KCNH6: variants seen among roughly 807,000 people sequenced by gnomAD.
KCNH6 encodes voltage-gated inwardly rectifying potassium channel KCNH6.
In KCNH6, 81 loss-of-function variants were observed where a neutral mutation model predicts 83.4. The observed-to-expected ratio is 0.97, with a 90% CI of 0.81 to 1.17. The LOEUF is 1.17. Among genes scored for constraint, KCNH6 ranks in the 50% most tolerant of loss-of-function variants. The pLI is 0.00. For missense variants in KCNH6, 1,203 were observed against 1,290.5 expected (o/e 0.93, Z 1.04); for synonymous variants, 503 against 545.6 (o/e 0.92, Z 1.09).
chr17:63,534,385 A>AGCACTG lies in KCNH6; in HGVS notation c.1101+76_1101+81dup. On this transcript the variant is annotated intron_variant, in intron 5 of 12. Coordinates refer to ENST00000314672, the MANE Select transcript of KCNH6 (RefSeq NM_001278919.2). The surrounding 1 kb of genome is among the most constrained non-coding windows in gnomAD (Gnocchi z 5.0). ...TGGCCTCAAGCCCTCCCTGCTGCAC[A>AGCACTG]GCACTGGGTGCGGAGAGTATCTGGC... 7.0e-7 allele frequency: 1 copy of AGCACTG among 1,421,100 alleles called. No homozygotes were observed. The highest frequency in any genetic ancestry group is 9.6e-7 in the Non-Finnish European group (1 of 1,040,148). The allele number at this position is 1,421,100 out of a possible 1,614,324, so 88.0% of individuals were successfully genotyped here. A position where few individuals can be genotyped will look rare whatever the true frequency, so the allele number is the denominator to read the frequency against.
intron 2 of KCNH6, among the ~76,000 whole-genome samples, chr17:63,529,460 G>C (rs550535562): frequency 2.4e-4 from 36 of 152,318 alleles, no homozygotes; most frequent in Non-Finnish European, 4.4e-5. Context: ...CCTTTTCCAA[G>C]CTATTGTGTC....
At chr17:63,527,999 A>C (rs2031830979) in intron 2 of KCNH6, among the ~76,000 whole-genome samples, 1 of 152,120 alleles carries the variant, frequency 6.6e-6, no homozygotes, top group South Asian at 2.1e-4. Flanking sequence ...TTTTCCAGTA[A>C]CATCAATTGC....
rs1339868247 is a variant in KCNH6, at chr17:63,534,648, C to T, written c.1101+337C>T. On this transcript the variant is annotated intron_variant, in intron 5 of 12. Transcript: ENST00000314672. This position sits in a 1 kb window ranked among gnomAD's most constrained non-coding sequence, Gnocchi z 5.0. ...ACTCACCCTGGAGGAAGAAAGGGAT[C>T]CCCAGGCCACTCCCCCAGTGCACCC... Among the ~76,000 whole-genome samples, 4 of 152,106 alleles carry T rather than the reference C, an allele frequency of 2.6e-5. No individual in the cohort carries two copies. The highest frequency in any genetic ancestry group is 5.9e-5 in the Non-Finnish European group (4 of 67,994).
chr17:63,540,529 C>T (rs929836278), intron 8 of KCNH6, among the ~76,000 whole-genome samples: 1 of 152,156 alleles, frequency 6.6e-6, no homozygotes, highest in Non-Finnish European at 1.5e-5. Context: ...CATGAAACCT[C>T]TCATTTTGTC....
At chr17:63,525,566 G>A (rs2031653473) in intron 2 of KCNH6, among the ~76,000 whole-genome samples, 1 of 152,174 alleles carries the variant, frequency 6.6e-6, no homozygotes, top group African/African-American at 2.4e-5. Flanking sequence ...TGTGAAACAT[G>A]AGCATGTGTG....
Position 63,538,175 on chromosome 17 carries a change from T to A in KCNH6, c.1612T>A (p.Phe538Ile), listed in dbSNP as rs1416801815. ...GCTGCGTGTCAAGGAGTTCATCCGCTTCCACCAGATCCCCAACCCACTGCG... is the reference window on the plus strand; with the variant it reads ...GCTGCGTGTCAAGGAGTTCATCCGCATCCACCAGATCCCCAACCCACTGCG... ...QMLRVKEFIR[F>I]HQIPNPLRQR... Residue 538 changes from phenylalanine to isoleucine, a missense_variant, in exon 7 of 13, where the codon TTC becomes ATC. Physicochemically the swap from Phe to Ile is conservative, Grantham distance 21. Coordinates refer to ENST00000314672, the MANE Select transcript of KCNH6 (RefSeq NM_001278919.2). The surrounding 1 kb of genome is among the most constrained non-coding windows in gnomAD (Gnocchi z 4.0). The A allele has an allele frequency of 6.2e-7, 1 of 1,614,042 alleles. No individual in the cohort carries two copies. The highest frequency in any genetic ancestry group is 2.2e-5 in the East Asian group (1 of 44,894).
chr17:63,548,833 C>A (rs1383434928), downstream of KCNH6: 1 of 151,930 alleles, frequency 6.6e-6, no homozygotes, highest in Non-Finnish European at 1.5e-5. Flanking sequence ...TGGTGGCGGG[C>A]GCCTGTAATC....
At position 63,541,997 on chromosome 17, in the gene KCNH6, G is replaced by A. The variant is rs925609776; in HGVS notation, c.1955-244G>A. ...ATGGAGGGTGGTTCTGAAGGGCCTG[G>A]AGACAGTGAGAGGAGCCACACGCCG... is the stretch of plus-strand genomic sequence containing the variant. On this transcript the variant is annotated intron_variant, in intron 8 of 12. Coordinates refer to ENST00000314672, the MANE Select transcript of KCNH6 (RefSeq NM_001278919.2). Among the ~76,000 whole-genome samples the A allele has an allele frequency of 5.3e-5, 8 of 152,288 alleles. 1 individual carries two copies. Among genetic ancestry groups the A allele is most frequent in the African/African-American group, 1.7e-4 (7 of 41,564 alleles).
intron 2 of KCNH6, among the ~76,000 whole-genome samples, chr17:63,526,874 C>A (rs2031752104): frequency 6.6e-6 from 1 of 152,136 alleles, no homozygotes; most frequent in African/African-American, 2.4e-5. Flanking sequence ...GGCAAAAATA[C>A]CCCGGGAGAC....
chr17:63,530,511 G>A lies in KCNH6; in HGVS notation c.644G>A (p.Arg215Gln), dbSNP rs146703318. 3.3e-5 allele frequency: 54 copies of A among 1,614,018 alleles called. No individual in the cohort carries two copies. Among genetic ancestry groups the A allele is most frequent in the South Asian group, 2.0e-4 (18 of 91,084 alleles). ...ATCGCGCCCCATAAGGTGGTGGAGC[G>A]GACACAGAACGTCACTGAGAAGGTC... Reference protein sequence around the residue: ...EIIAPHKVVERTQNVTEKVTQ... With the variant: ...EIIAPHKVVEQTQNVTEKVTQ... Residue 215 changes from arginine (R) to glutamine (Q), a missense_variant, in exon 4 of 13, where the codon CGG becomes CAG. By Grantham distance (43) the Arg-to-Gln change is conservative. Coordinates refer to ENST00000314672, the MANE Select transcript of KCNH6 (RefSeq NM_001278919.2).
chr17:63,540,651 G>A (rs118010846), intron 8 of KCNH6, among the ~76,000 whole-genome samples: 10 of 152,188 alleles, frequency 6.6e-5, no homozygotes, highest in East Asian at 5.8e-4. Context: ...CTGGCAAGCC[G>A]CTTCCCTCTC....
chr17:63,535,721 G>T lies in KCNH6; in HGVS notation c.1154G>T (p.Arg385Leu), dbSNP rs771497152. ...ACAGCGCGGCTGCTGCGGCTGGTGC[G>T]CGTAGCACGGAAGCTGGACCGCTAC... ...LKTARLLRLV[R>L]VARKLDRYSE... Residue 385 changes from arginine to leucine, a missense_variant, in exon 6 of 13, where the codon CGC becomes CTC. Transcript: ENST00000314672. This position sits in a 1 kb window ranked among gnomAD's most constrained non-coding sequence, Gnocchi z 4.9. 1.2e-6 allele frequency: 2 copies of T among 1,613,080 alleles called. No individual in the cohort carries two copies. Among genetic ancestry groups the T allele is most frequent in the Admixed American group, 3.3e-5 (2 of 59,966 alleles).
At position 63,540,397 on chromosome 17, in the gene KCNH6, A is replaced by AAATTG. The variant is rs2032789308; in HGVS notation, c.1954+1735_1954+1736insAATTG. Among the ~76,000 whole-genome samples the AAATTG allele has an allele frequency of 7.3e-5, 11 of 151,686 alleles. 1 individual carries two copies. The highest frequency in any genetic ancestry group is 5.9e-4 in the Admixed American group (9 of 15,216). Reference sequence around the variant, plus strand: ...CAGTAAACCAAGATCACGCCACTGTACTCCAGCCTGGGTGGCAGAGCGAGA... The same window carrying AAATTG: ...CAGTAAACCAAGATCACGCCACTGTAAATTGCTCCAGCCTGGGTGGCAGAGCGAGA... On this transcript the variant is annotated intron_variant, in intron 8 of 12. Coordinates refer to ENST00000314672, the MANE Select transcript of KCNH6 (RefSeq NM_001278919.2).
chr17:63,537,856 C>A (rs2032595749), intron 6 of KCNH6, among the ~76,000 whole-genome samples: 3 of 152,210 alleles, frequency 2.0e-5, no homozygotes, highest in Admixed American at 2.0e-4. Context: ...AGTAAGATGC[C>A]AAGAGGCACA....
chr17:63,530,517 AG>A lies in KCNH6; in HGVS notation c.651del (p.Asn218ThrfsTer142), dbSNP rs750613324. The A allele has an allele frequency of 6.2e-7, 1 of 1,614,148 alleles. No individual in the cohort carries two copies. Among genetic ancestry groups the A allele is most frequent in the South Asian group, 1.1e-5 (1 of 91,088 alleles). ...IAPHKVVERTQNVTEKVTQVL... is the reference protein window; with the variant it reads ...IAPHKVVERTXNVTEKVTQVL... ...CCCCATAAGGTGGTGGAGCGGACAC[AG>A]AACGTCACTGAGAAGGTCACCCAGG... On this transcript the variant is annotated frameshift_variant, in exon 4 of 13. Transcript: ENST00000314672. LOFTEE classifies it high-confidence loss of function.
rs2032345320 is a variant in KCNH6 at position 63,534,376 on chromosome 17, C to G, written c.1101+65C>G. 6.8e-7 allele frequency: 1 copy of G among 1,471,528 alleles called. No homozygotes were observed. Among genetic ancestry groups the G allele is most frequent in the African/African-American group, 1.4e-5 (1 of 72,014 alleles). 91.2% of individuals were successfully genotyped at this position (1,471,528 alleles called of 1,614,324 possible). On this transcript the variant is annotated intron_variant, in intron 5 of 12. Transcript: ENST00000314672. This position sits in a 1 kb window ranked among gnomAD's most constrained non-coding sequence, Gnocchi z 5.0. ...TCTGCACGCTGGCCTCAAGCCCTCC[C>G]TGCTGCACAGCACTGGGTGCGGAGA... is the stretch of plus-strand genomic sequence containing the variant.
chr17:63,540,773 A>C (rs2032811793), intron 8 of KCNH6, among the ~76,000 whole-genome samples: 1 of 152,176 alleles, frequency 6.6e-6, no homozygotes, highest in Non-Finnish European at 1.5e-5. Flanking sequence ...ACTTGCACTA[A>C]CAAGTGGACT....
chr17:63,544,908 C>A (rs1197804971), intron 11 of KCNH6, among the ~76,000 whole-genome samples, 170 bp from the exon 12 acceptor site: 3 of 152,044 alleles, frequency 2.0e-5, no homozygotes, highest in Non-Finnish European at 2.9e-5. Flanking sequence ...AGGGGTGTAC[C>A]AGGGGGATTC....
chr17:63,548,694 C>T (rs535594475), downstream of KCNH6: 1 of 152,272 alleles, frequency 6.6e-6, no homozygotes, highest in Admixed American at 6.5e-5. Context: ...GTTCCTATAT[C>T]TGTGGATAAA....
Sources: gnomAD v4.1 joint callset for allele counts (sites outside exome capture counted in the v4.1 genomes callset) on GRCh38, gnomAD v4.1.1 for gene constraint, Gnocchi (gnomAD v3.1) non-coding constraint, MANE v1.5 for transcripts, NCBI Gene and HGNC (gene_info 2026-07-23, HGNC 2026-07-21) for gene names.